The following ARHGAP19 variants were observed in gnomAD, a reference collection of about 807,000 sequenced individuals.
ARHGAP19 encodes Rho GTPase activating protein 19.
ARHGAP19 carries 48 observed loss-of-function variants against 60.9 expected under a neutral mutation model. That is an observed-to-expected ratio of 0.79 (90% CI 0.62 to 1.00). ARHGAP19 has a LOEUF of 1.00. ARHGAP19 is among the 50% of genes least tolerant of loss of function. The pLI is 0.00. For synonymous variants in ARHGAP19, 209 were observed against 215.5 expected (o/e 0.97, Z 0.27); for missense variants, 562 against 597.2 (o/e 0.94, Z 0.61).
chr10:97,271,243 A>G (rs1842955948), intron 1 of ARHGAP19, among the ~76,000 whole-genome samples: 4 of 152,162 alleles, frequency 2.6e-5, no homozygotes, highest in Admixed American at 1.3e-4. Context: ...AAGGGGAAGA[A>G]GAGTGGGAGA....
chr10:97,244,307 A>G (rs955265839), intron 7 of ARHGAP19, 148 bp from the exon 8 acceptor site: 2 of 583,792 alleles, frequency 3.4e-6, no homozygotes, highest in African/African-American at 3.7e-5. Flanking sequence ...CACTATTATC[A>G]GATAACAAGG....
At chr10:97,270,752 G>T in intron 1 of ARHGAP19, 1 of 1,308,932 alleles carries the variant, frequency 7.6e-7, no homozygotes, top group Non-Finnish European at 1.0e-6. Context: ...GGATACAAGG[G>T]CACATTATGG....
intron 5 of ARHGAP19, among the ~76,000 whole-genome samples, chr10:97,256,844 G>A (rs1324191658): frequency 2.6e-5 from 4 of 152,166 alleles, no homozygotes; most frequent in South Asian, 2.1e-4. Flanking sequence ...TAAAATTACC[G>A]GGCGTGGTGG....
chr10:97,242,076 G>A (rs1159381230), intron 8 of ARHGAP19, among the ~76,000 whole-genome samples: 1 of 149,314 alleles, frequency 6.7e-6, no homozygotes, highest in Non-Finnish European at 1.5e-5. Flanking sequence ...TATGGAAGGA[G>A]TCTGCATGCA....
chr10:97,240,238 A>T (rs1842457975), intron 8 of ARHGAP19, among the ~76,000 whole-genome samples: 1 of 147,768 alleles, frequency 6.8e-6, no homozygotes, highest in Non-Finnish European at 1.5e-5. Flanking sequence ...CACTTCTAGA[A>T]AATAATCTAC....
chr10:97,263,666 AG>A lies in ARHGAP19; in HGVS notation c.404-38del, dbSNP rs763330297. ...AAAACAAAGCAGAGGACAGGCAAAA[AG>A]GAAGCAGAAAGATTATTATTAAAAT... is the stretch of plus-strand genomic sequence containing the variant. On this transcript the variant is annotated intron_variant, in intron 3 of 11. Coordinates refer to ENST00000358531, the MANE Select transcript of ARHGAP19 (RefSeq NM_032900.6). 4 of 1,574,726 alleles carry A rather than the reference AG, an allele frequency of 2.5e-6. No homozygotes were observed. In the East Asian group the frequency reaches 9.0e-5, roughly 35 times the overall value.
intron 1 of ARHGAP19, among the ~76,000 whole-genome samples, chr10:97,271,392 CCA>C (rs897880673): frequency 6.0e-5 from 9 of 151,154 alleles, no homozygotes; most frequent in Non-Finnish European, 1.0e-4. Context: ...ACAAGACAAG[CCA>C]CAGACTGAAA....
intron 1 of ARHGAP19, among the ~76,000 whole-genome samples, chr10:97,291,514 G>C (rs971903890): frequency 6.6e-6 from 1 of 152,040 alleles, no homozygotes; most frequent in African/African-American, 2.4e-5. Flanking sequence ...GGCTGGTCTC[G>C]AACTCCTGAT....
At chr10:97,228,034 A>C (rs1850930894) in intron 11 of ARHGAP19, among the ~76,000 whole-genome samples, 1 of 152,250 alleles carries the variant, frequency 6.6e-6, no homozygotes, top group Admixed American at 6.5e-5. Context: ...GGACATACAG[A>C]AATATTTAGA....
At chr10:97,268,452 T>G (rs1842925162) in intron 1 of ARHGAP19, among the ~76,000 whole-genome samples, 1 of 152,204 alleles carries the variant, frequency 6.6e-6, no homozygotes, top group Non-Finnish European at 1.5e-5. Context: ...ACTCTACTGG[T>G]ACCAATTTAC....
chr10:97,291,931 T>G (rs938197050), intron 1 of ARHGAP19, among the ~76,000 whole-genome samples: 1 of 152,194 alleles, frequency 6.6e-6, no homozygotes, highest in African/African-American at 2.4e-5. Flanking sequence ...CATGATGTCC[T>G]GGACTACAGA....
chr10:97,273,863 T>G (rs755451882), intron 1 of ARHGAP19, among the ~76,000 whole-genome samples: 2 of 152,088 alleles, frequency 1.3e-5, no homozygotes, highest in Admixed American at 6.6e-5. Flanking sequence ...ATGGCTTTAT[T>G]TGTAATGGAA....
At chr10:97,242,940 G>A (rs1022977477) in intron 8 of ARHGAP19, among the ~76,000 whole-genome samples, 3 of 152,080 alleles carry the variant, frequency 2.0e-5, no homozygotes, top group African/African-American at 4.8e-5. Context: ...GTGAGCCACC[G>A]CGCCCAGCCG....
intron 1 of ARHGAP19, among the ~76,000 whole-genome samples, chr10:97,284,686 T>C (rs980751775): frequency 2.6e-5 from 4 of 151,816 alleles, no homozygotes; most frequent in Admixed American, 6.6e-5. Context: ...TTTTTATTTT[T>C]AGTAGAGACA....
intron 6 of ARHGAP19, among the ~76,000 whole-genome samples, chr10:97,248,281 G>A (rs1318389573): frequency 6.6e-6 from 1 of 152,078 alleles, no homozygotes; most frequent in African/African-American, 2.4e-5. Context: ...GGGTGTGGTG[G>A]CGCTCACCTG....
At chr10:97,282,520 G>GA (rs72393165) in intron 1 of ARHGAP19, among the ~76,000 whole-genome samples, 6,705 of 152,234 alleles carry the variant, frequency 0.044, 211 homozygotes, top group Non-Finnish European at 0.061. Context: ...ACATATAACT[G>GA]AAGAATCCTA....
At chr10:97,288,816 T>TA (rs1281335588) in intron 1 of ARHGAP19, among the ~76,000 whole-genome samples, 1 of 140,296 alleles carries the variant, frequency 7.1e-6, no homozygotes, top group Non-Finnish European at 1.6e-5. Context: ...CTCCTTTTTT[T>TA]TTTTTTTTTT....
intron 1 of ARHGAP19, chr10:97,277,963 C>T (rs375270184): frequency 1.3e-5 from 2 of 152,350 alleles, no homozygotes; most frequent in African/African-American, 4.8e-5. Context: ...CACAAGTCTG[C>T]CTTTCTCTTC....
rs920605962 is a variant in ARHGAP19, at chr10:97,263,743, C to G, written c.404-114G>C. The stretch of plus-strand genomic sequence containing the variant: ...TTAAAAGACCCTTCACAAAGCCTTT[C>G]AAGTAAGTTTTTGCCTTTTTTCACC... On this transcript the variant is annotated intron_variant, in intron 3 of 11. Transcript: ENST00000358531. 6 of 1,118,926 alleles carry G rather than the reference C, an allele frequency of 5.4e-6. No individual in the cohort carries two copies. The African/African-American group carries it at 9.5e-5, about 18-fold the overall frequency. 69.3% of individuals were successfully genotyped at this position (1,118,926 alleles called of 1,614,324 possible).
Sources: allele counts gnomAD v4.1 joint callset (sites outside exome capture counted in the v4.1 genomes callset), GRCh38; gene constraint gnomAD v4.1.1; transcripts MANE v1.5; gene names NCBI Gene and HGNC (gene_info 2026-07-23, HGNC 2026-07-21).